BIRC6: variants seen among roughly 807,000 people sequenced by gnomAD.
BIRC6 encodes the protein dual E2 ubiquitin-conjugating enzyme/E3 ubiquitin-protein ligase BIRC6.
In BIRC6, 98 loss-of-function variants were observed where a neutral mutation model predicts 503.3. That is an observed-to-expected ratio of 0.19 (90% CI 0.17 to 0.23). BIRC6 has a LOEUF of 0.23. Among genes scored for constraint, BIRC6 ranks in the 10% least tolerant of loss-of-function variants. The pLI, the probability that BIRC6 is intolerant of heterozygous loss-of-function variation, is 1.00. For synonymous variants in BIRC6, 2,240 were observed against 2,078.7 expected (o/e 1.08, Z -2.11); for missense variants, 5,360 against 5,806.0 (o/e 0.92, Z 2.50).
intron 11 of BIRC6, 39 bp from the exon 12 acceptor site, chr2:32,430,826 T>TTA: frequency 1.1e-6 from 1 of 939,274 alleles, no homozygotes; most frequent in Non-Finnish European, 1.6e-6. Context: ...TTTTTTTTTT[T>TTA]CCACACCTAT....
chr2:32,531,775 C>T (rs2056779501), intron 61 of BIRC6, among the ~76,000 whole-genome samples: 1 of 152,198 alleles, frequency 6.6e-6, no homozygotes, highest in South Asian at 2.1e-4. Flanking sequence ...GCCAGACTTA[C>T]TACACTGTTG....
At chr2:32,403,575 A>T (rs576276164) in intron 8 of BIRC6, among the ~76,000 whole-genome samples, 29 of 152,306 alleles carry the variant, frequency 1.9e-4, no homozygotes, top group African/African-American at 6.5e-4. Flanking sequence ...ATATCAGGTC[A>T]AGTTGGTAAA....
At chr2:32,569,459 GGTAGGCTCAA>G (rs2059775613) in intron 65 of BIRC6, among the ~76,000 whole-genome samples, 1 of 152,068 alleles carries the variant, frequency 6.6e-6, no homozygotes, top group Non-Finnish European at 1.5e-5. Context: ...GCCTCGACCT[GGTAGGCTCAA>G]GTGATTCTCC....
intron 45 of BIRC6, among the ~76,000 whole-genome samples, chr2:32,498,619 G>A (rs1455827656): frequency 2.6e-5 from 4 of 151,052 alleles, no homozygotes; most frequent in Non-Finnish European, 2.9e-5. Flanking sequence ...ATAGACTTTC[G>A]CTCTGTCACC....
At chr2:32,546,429 A>C (rs967600502) in intron 63 of BIRC6, among the ~76,000 whole-genome samples, 2 of 151,998 alleles carry the variant, frequency 1.3e-5, no homozygotes, top group Non-Finnish European at 2.9e-5. Context: ...AAAATGCAAA[A>C]ATTTGCCGGA....
chr2:32,453,071 CAA>C (rs578078408), intron 22 of BIRC6, among the ~76,000 whole-genome samples: 5 of 136,634 alleles, frequency 3.7e-5, no homozygotes, highest in Admixed American at 7.4e-5. Context: ...GTGCTAATTC[CAA>C]AAAAAAAAAA....
At chr2:32,361,955 T>A (rs2034159477) in intron 1 of BIRC6, among the ~76,000 whole-genome samples, 1 of 152,244 alleles carries the variant, frequency 6.6e-6, no homozygotes, top group Admixed American at 6.5e-5. Context: ...TCTTGCTGGC[T>A]TCCATGTTTT....
chr2:32,504,854 C>T (rs571969016), intron 49 of BIRC6, 151 bp from the exon 50 acceptor site: 26 of 702,026 alleles, frequency 3.7e-5, no homozygotes, highest in East Asian at 3.0e-4. Flanking sequence ...AATACCTTTA[C>T]GGTCATGCTT....
chr2:32,439,731 T>C (rs778326295), intron 16 of BIRC6, 45 bp downstream of exon 16: 23 of 1,549,106 alleles, frequency 1.5e-5, no homozygotes, highest in Middle Eastern at 1.7e-4. Context: ...GTTTTAAACA[T>C]TGTGGATCAG....
At chr2:32,503,817 T>TC (rs2053477548) in intron 49 of BIRC6, among the ~76,000 whole-genome samples, 1 of 152,134 alleles carries the variant, frequency 6.6e-6, no homozygotes. Context: ...CAGAGATTCT[T>TC]CCGTAAGTTT....
intron 13 of BIRC6, among the ~76,000 whole-genome samples, chr2:32,434,944 A>C (rs1030430330): frequency 6.6e-6 from 1 of 152,212 alleles, no homozygotes; most frequent in South Asian, 2.1e-4. Context: ...ATACGGGAGG[A>C]TATGAATAAG....
Position 32,512,955 on chromosome 2 carries a change from G to C in BIRC6, c.10369G>C (p.Val3457Leu), listed in dbSNP as rs1426719251. 1 of 1,613,914 alleles carries C rather than the reference G, an allele frequency of 6.2e-7. No homozygotes were observed. Among genetic ancestry groups the C allele is most frequent in the Non-Finnish European group, 8.5e-7 (1 of 1,179,852 alleles). Residue 3457 changes from valine (V) to leucine (L), a missense_variant, in exon 54 of 74, where the codon GTT becomes CTT. Physicochemically the swap from Val to Leu is conservative, Grantham distance 32 (BLOSUM62 1). Coordinates refer to ENST00000421745, the MANE Select transcript of BIRC6 (RefSeq NM_016252.4). ...KDRIQALLKWVSDSARVAAMK... is the reference protein window; with the variant it reads ...KDRIQALLKWLSDSARVAAMK... ...AAGAATTCAGGCCTTGTTAAAATGG[G>C]TTAGTGATTCTGCAAGAGTGGCTGC...
intron 45 of BIRC6, among the ~76,000 whole-genome samples, chr2:32,496,504 G>T (rs191521672): frequency 6.6e-6 from 1 of 152,076 alleles, no homozygotes; most frequent in East Asian, 1.9e-4. Context: ...GTTTACAAGC[G>T]TGAGCCACCA....
At chr2:32,439,191 G>C (rs978149676) in intron 15 of BIRC6, among the ~76,000 whole-genome samples, 12 of 141,726 alleles carry the variant, frequency 8.5e-5, no homozygotes, top group African/African-American at 3.0e-4. Flanking sequence ...GTGTGTGTGC[G>C]TGTGTATGTG....
At chr2:32,408,421 C>G (rs542712866) in intron 9 of BIRC6, among the ~76,000 whole-genome samples, 4 of 152,204 alleles carry the variant, frequency 2.6e-5, no homozygotes, top group African/African-American at 7.2e-5. Context: ...AGTTTTTGAA[C>G]TCTTTCAAAA....
At chr2:32,610,990 G>A (rs1406824991) in intron 72 of BIRC6, among the ~76,000 whole-genome samples, 3 of 152,116 alleles carry the variant, frequency 2.0e-5, no homozygotes, top group Non-Finnish European at 4.4e-5. Context: ...CTCCCAGAAT[G>A]CTGGGATTAC....
In BIRC6 at chr2:32,441,438, A is replaced by C; in HGVS notation, c.3920A>C (p.Lys1307Thr). Residue 1307 changes from lysine to threonine, a missense_variant, in exon 17 of 74, where the codon AAG becomes ACG. Physicochemically the swap from Lys to Thr is moderately conservative, Grantham distance 78. Coordinates refer to ENST00000421745, the MANE Select transcript of BIRC6 (RefSeq NM_016252.4). ...GTCTCAGTCACCATTCGAAGATTTAAGAAAACCTCAATTTCTAAGGAAAGG... is the reference window on the plus strand; with the variant it reads ...GTCTCAGTCACCATTCGAAGATTTACGAAAACCTCAATTTCTAAGGAAAGG... ...QEVSVTIRRFKKTSISKERVQ... is the reference protein window; with the variant it reads ...QEVSVTIRRFTKTSISKERVQ... The C allele has an allele frequency of 1.2e-6, 2 of 1,610,056 alleles. No homozygotes were observed. Among genetic ancestry groups the C allele is most frequent in the Non-Finnish European group, 1.7e-6 (2 of 1,177,510 alleles).
At chr2:32,445,465 A>T in intron 20 of BIRC6, 56 bp from the exon 21 acceptor site, 1 of 1,410,788 alleles carries the variant, frequency 7.1e-7, no homozygotes. Context: ...TTAAATTCTC[A>T]TTGTTAGAGG....
intron 46 of BIRC6, among the ~76,000 whole-genome samples, chr2:32,501,102 T>C (rs1238220744): frequency 6.6e-6 from 1 of 152,210 alleles, no homozygotes; most frequent in Non-Finnish European, 1.5e-5. Flanking sequence ...TGCTTAACTC[T>C]TTTACCTCTT....
Sources: allele counts gnomAD v4.1 joint callset (sites outside exome capture counted in the v4.1 genomes callset), GRCh38; gene constraint gnomAD v4.1.1; transcripts MANE v1.5; gene names NCBI Gene and HGNC (gene_info 2026-07-23, HGNC 2026-07-21).